Variants in TOGARAM2 observed in about 807,000 individuals in gnomAD.
TOGARAM2 encodes TOG array regulator of axonemal microtubules protein 2.
Under a neutral mutation model 93.3 loss-of-function variants are expected in TOGARAM2, and 85 were observed. The ratio of observed to expected loss-of-function variants is 0.91; its 90% confidence interval spans 0.76 to 1.09. TOGARAM2 has a LOEUF of 1.09. Ranked by LOEUF, TOGARAM2 falls within the 50% of genes least tolerant of loss-of-function variation. The pLI is 0.00. For missense variants in TOGARAM2, 1,277 were observed against 1,334.5 expected (o/e 0.96, Z 0.67); for synonymous variants, 593 against 552.8 (o/e 1.07, Z -1.02).
In TOGARAM2 at chr2:29,003,595, C is replaced by A; in HGVS notation, c.743C>A (p.Ala248Glu). Residue 248 changes from alanine to glutamate, a missense_variant, in exon 6 of 20, where the codon GCG becomes GAG. Transcript: ENST00000379558. ...ATCCCAAAGGCCAGGACGGTTGCAG[C>A]GACCCCCTCCCGTGTGCCTGGCTCC... is the stretch of plus-strand genomic sequence containing the variant. ...PPIPKARTVA[A>E]TPSRVPGSLP... 6.3e-7 allele frequency: 1 copy of A among 1,594,344 alleles called. No homozygotes were observed. The highest frequency in any genetic ancestry group is 8.5e-7 in the Non-Finnish European group (1 of 1,171,346).
upstream of TOGARAM2, among the ~76,000 whole-genome samples, chr2:28,976,666 G>A (rs539758808): frequency 5.7e-4 from 87 of 152,328 alleles, no homozygotes; most frequent in Middle Eastern, 3.4e-3. Flanking sequence ...TCCCCATCCT[G>A]TCATTACCAC....
chr2:29,023,694 C>A (rs1665128886), intron 12 of TOGARAM2, among the ~76,000 whole-genome samples: 1 of 152,128 alleles, frequency 6.6e-6, no homozygotes, highest in African/African-American at 2.4e-5. Context: ...ACACAGGGGC[C>A]TGGGCTGTGT....
intron 15 of TOGARAM2, 93 bp downstream of exon 15, chr2:29,033,144 G>A: frequency 2.0e-6 from 2 of 1,002,600 alleles, no homozygotes; most frequent in Non-Finnish European, 3.0e-6. Flanking sequence ...GGGGAGTGGG[G>A]AGTGGATTCC....
chr2:28,992,271 A>G (rs1230757179), intron 1 of TOGARAM2, among the ~76,000 whole-genome samples: 1 of 152,096 alleles, frequency 6.6e-6, no homozygotes, highest in Admixed American at 6.5e-5. Flanking sequence ...CACGTTAGTC[A>G]GGCTTGTTTG....
chr2:28,960,969 T>C (rs976203528), intron 1 of TOGARAM2, among the ~76,000 whole-genome samples: 1 of 152,246 alleles, frequency 6.6e-6, no homozygotes, highest in Non-Finnish European at 1.5e-5. Flanking sequence ...GTATACTTCA[T>C]ACCGGAACAC....
chr2:28,973,426 C>CCCTTCCTTCCCCTCCCTTT (rs1671979609), intron 1 of TOGARAM2, among the ~76,000 whole-genome samples: 1 of 117,508 alleles, frequency 8.5e-6, no homozygotes, highest in African/African-American at 3.5e-5. Context: ...CTTCTTTCCT[C>CCCTTCCTTCCCCTCCCTTT]CCTTCCTTCC....
intron 1 of TOGARAM2, among the ~76,000 whole-genome samples, chr2:28,962,487 G>T (rs969384425): frequency 6.6e-6 from 1 of 151,972 alleles, no homozygotes; most frequent in Admixed American, 6.6e-5. Context: ...ATATTTACTC[G>T]TGATTCTGGT....
At chr2:29,022,681 T>C (rs1262259548) in intron 11 of TOGARAM2, among the ~76,000 whole-genome samples, 2 of 152,176 alleles carry the variant, frequency 1.3e-5, no homozygotes, top group East Asian at 3.9e-4. Context: ...CTCCTCCCAC[T>C]GTGGGGATGC....
intron 1 of TOGARAM2, among the ~76,000 whole-genome samples, chr2:28,961,323 G>A (rs1394658796): frequency 6.6e-6 from 1 of 151,960 alleles, no homozygotes; most frequent in African/African-American, 2.4e-5. Flanking sequence ...AAGCTTTGAG[G>A]TATAATTTAT....
At chr2:28,983,520 A>T (rs968636040) in intron 1 of TOGARAM2, among the ~76,000 whole-genome samples, 1 of 151,798 alleles carries the variant, frequency 6.6e-6, no homozygotes, top group East Asian at 1.9e-4. Flanking sequence ...GTAATATTCT[A>T]TGTTGTGAGT....
chr2:29,004,883 T>C (rs1255715945), intron 6 of TOGARAM2, among the ~76,000 whole-genome samples: 1 of 148,840 alleles, frequency 6.7e-6, no homozygotes, highest in Non-Finnish European at 1.5e-5. Flanking sequence ...GTGTGGAGTG[T>C]ATGTGTACAT....
In TOGARAM2 at chr2:29,014,424, G is replaced by C; in HGVS notation, c.907G>C (p.Asp303His). 1 of 1,609,538 alleles carries C rather than the reference G, an allele frequency of 6.2e-7. No homozygotes were observed. Among genetic ancestry groups the C allele is most frequent in the South Asian group, 1.1e-5 (1 of 89,938 alleles). ...AAAACCTTTGGCCTCACCCATCAGAGACAGGCCTGCCGCTGCCAAGAAGCC... is the reference window on the plus strand; with the variant it reads ...AAAACCTTTGGCCTCACCCATCAGACACAGGCCTGCCGCTGCCAAGAAGCC... ...EPKPLASPIR[D>H]RPAAAKKPAL... is the part of the protein sequence containing the mutation. The change falls in exon 8 of 20, where the codon GAC (aspartate) becomes CAC (histidine). Residue 303 changes from aspartate to histidine, a missense_variant. Transcript: ENST00000379558.
chr2:29,009,203 A>C (rs1466633093), intron 6 of TOGARAM2, among the ~76,000 whole-genome samples: 1 of 152,206 alleles, frequency 6.6e-6, no homozygotes, highest in East Asian at 1.9e-4. Context: ...ATGAGGGCAC[A>C]CTTGCGAGAT....
chr2:28,957,316 G>T (rs1201175718), intron 1 of TOGARAM2, among the ~76,000 whole-genome samples: 4 of 151,842 alleles, frequency 2.6e-5, no homozygotes, highest in African/African-American at 9.7e-5. Context: ...CTGTAGCCGG[G>T]ATTACAGGCG....
At chr2:28,965,336 C>T (rs927015565) in intron 1 of TOGARAM2, among the ~76,000 whole-genome samples, 1 of 151,680 alleles carries the variant, frequency 6.6e-6, no homozygotes, top group Non-Finnish European at 1.5e-5. Context: ...TTTTTATTGC[C>T]CTTTTCCCCC....
chr2:29,019,569 A>G (rs191156568), intron 10 of TOGARAM2, among the ~76,000 whole-genome samples: 25 of 152,280 alleles, frequency 1.6e-4, no homozygotes, highest in African/African-American at 6.0e-4. Context: ...CCATCTAAAG[A>G]TCACTAGACT....
At chr2:28,978,945 TTGGGGG>T (rs1672074212), upstream of TOGARAM2, among the ~76,000 whole-genome samples, 1 of 152,136 alleles carries the variant, frequency 6.6e-6, no homozygotes, top group Non-Finnish European at 1.5e-5. Context: ...CTTAAACAAT[TTGGGGG>T]CTTCTTTAAG....
Position 29,035,447 on chromosome 2 carries a change from C to T in TOGARAM2, c.2226-17C>T. On this transcript the variant is annotated splice_polypyrimidine_tract_variant and intron_variant, in intron 16 of 19. Transcript: ENST00000379558. ...GGCTCTTCCCTGGGGGGTTCAGACG[C>T]CACGCTCCTTACCTAGGCTCAGCTG... 2 of 1,347,506 alleles carry T rather than the reference C, an allele frequency of 1.5e-6. No individual in the cohort carries two copies. The highest frequency in any genetic ancestry group is 1.9e-6 in the Non-Finnish European group (2 of 1,038,176). 83.5% of individuals were successfully genotyped at this position (1,347,506 alleles called of 1,614,324 possible).
intron 6 of TOGARAM2, 65 bp downstream of exon 6, chr2:29,003,747 G>T: frequency 7.4e-7 from 1 of 1,357,728 alleles, no homozygotes; most frequent in Non-Finnish European, 9.7e-7. Flanking sequence ...AGATCCACTG[G>T]GGCTCCTTGT....
Sources: gnomAD v4.1 joint callset for allele counts (sites outside exome capture counted in the v4.1 genomes callset) on GRCh38, gnomAD v4.1.1 for gene constraint, MANE v1.5 for transcripts, NCBI Gene and HGNC (gene_info 2026-07-23, HGNC 2026-07-21) for gene names.